Variants in CDH7 observed in about 807,000 individuals in gnomAD.
CDH7 encodes cadherin-7.
CDH7 carries 25 observed loss-of-function variants against 71.8 expected under a neutral mutation model. The ratio of observed to expected loss-of-function variants is 0.35; its 90% CI spans 0.25 to 0.49. The LOEUF (loss-of-function observed/expected upper bound fraction) is 0.49. Among genes scored for constraint, CDH7 ranks in the 20% least tolerant of loss-of-function variants. The pLI, the probability that CDH7 is intolerant of heterozygous loss-of-function variation, is 0.99. For synonymous variants in CDH7, 381 were observed against 363.8 expected (o/e 1.05, Z -0.54); for missense variants, 862 against 974.6 (o/e 0.88, Z 1.54).
intron 6 of CDH7, among the ~76,000 whole-genome samples, chr18:65,834,313 T>C (rs1186482825): frequency 6.6e-6 from 1 of 152,142 alleles, no homozygotes; most frequent in Non-Finnish European, 1.5e-5. Context: ...TAAGAAGTCA[T>C]GAATATAGGT....
intron 2 of CDH7, among the ~76,000 whole-genome samples, chr18:65,809,364 A>G (rs1252612711): frequency 6.6e-6 from 1 of 152,250 alleles, no homozygotes; most frequent in African/African-American, 2.4e-5. Flanking sequence ...CCCATTATAC[A>G]TGTTTACTGA....
At position 65,838,060 on chromosome 18, in the gene CDH7, G is replaced by T. The variant is rs564546135; in HGVS notation, c.982-5752G>T. 2.0e-5 allele frequency among the ~76,000 whole-genome samples: 3 copies of T among 151,966 alleles called. No individual in the cohort carries two copies. The East Asian group carries it at 5.8e-4, about 30-fold the overall frequency. ...CTGCCTCAGCCTCTCCAGTAGCTGG[G>T]ATTACAGGCACGTGCCACCATGGCA... On this transcript the variant is annotated intron_variant, in intron 6 of 11. Coordinates refer to ENST00000397968, the MANE Select transcript of CDH7 (RefSeq NM_004361.5).
chr18:65,788,207 G>A (rs1599006407), intron 2 of CDH7, among the ~76,000 whole-genome samples: 1 of 152,120 alleles, frequency 6.6e-6, no homozygotes, highest in East Asian at 1.9e-4. Flanking sequence ...CAAAGCATGG[G>A]CTAAAATGAA....
At position 65,782,078 on chromosome 18, in the gene CDH7, CT is replaced by C. The variant is rs1910300316; in HGVS notation, c.210+19029del. ...CCTTCCTTCCTTTCTTTCTTTCTTT[CT>C]TTCCTTCCTTCCTTCCTTCCTTCCT... is the stretch of plus-strand genomic sequence containing the variant. On this transcript the variant is annotated intron_variant, in intron 2 of 11. Coordinates refer to ENST00000397968, the MANE Select transcript of CDH7 (RefSeq NM_004361.5). Among the ~76,000 whole-genome samples, 2 of 58,124 alleles carry C rather than the reference CT, an allele frequency of 3.4e-5. 1 individual carries two copies. Among genetic ancestry groups the C allele is most frequent in the Non-Finnish European group, 5.6e-5 (2 of 35,882 alleles). The allele number at this position is 58,124 out of a possible 152,430, so 38.1% of individuals were successfully genotyped here.
chr18:65,840,975 A>C lies in CDH7; in HGVS notation c.982-2837A>C, dbSNP rs866599211. On this transcript the variant is annotated intron_variant, in intron 6 of 11. Transcript: ENST00000397968. ...TACATATCTAGAAATCAACAATGAG[A>C]AGTCATATAAAAAGTAAATTTTACT... Among the ~76,000 whole-genome samples, 9 of 152,256 alleles carry C rather than the reference A, an allele frequency of 5.9e-5. No individual in the cohort carries two copies. In the South Asian group the frequency reaches 1.9e-3, roughly 32 times the overall value.
intron 7 of CDH7, among the ~76,000 whole-genome samples, chr18:65,845,225 A>C (rs1299795569): frequency 6.6e-6 from 1 of 151,784 alleles, no homozygotes; most frequent in Non-Finnish European, 1.5e-5. Context: ...ATATACATAC[A>C]CACATATATA....
At chr18:65,796,108 AT>A (rs1317808157) in intron 2 of CDH7, among the ~76,000 whole-genome samples, 7 of 152,152 alleles carry the variant, frequency 4.6e-5, no homozygotes, top group South Asian at 2.1e-4. Flanking sequence ...GACTAATATA[AT>A]ATCCTTTAAA....
intron 11 of CDH7, among the ~76,000 whole-genome samples, chr18:65,867,035 ATTT>A (rs11381508): frequency 1.5e-5 from 2 of 134,200 alleles, no homozygotes; most frequent in Admixed American, 7.9e-5. Flanking sequence ...GGTATTCTAA[ATTT>A]TTTTTTTTTT....
Position 65,855,332 on chromosome 18 carries a change from G to A in CDH7, c.1236-2484G>A, listed in dbSNP as rs1476834731. On this transcript the variant is annotated intron_variant, in intron 7 of 11. Transcript: ENST00000397968. ...TGAACAGACCTAAATATTGATAAAC[G>A]TCTACCAACATTGACAAAGGAAAAA... is the stretch of plus-strand genomic sequence containing the variant. 4.9e-5 allele frequency among the ~76,000 whole-genome samples: 7 copies of A among 143,588 alleles called. No homozygotes were observed. In the East Asian group the frequency reaches 8.6e-4, roughly 18 times the overall value. 94.2% of individuals were successfully genotyped at this position (143,588 alleles called of 152,430 possible).
At chr18:65,876,225 C>T (rs1305708175) in intron 11 of CDH7, among the ~76,000 whole-genome samples, 1 of 152,054 alleles carries the variant, frequency 6.6e-6, no homozygotes, top group East Asian at 1.9e-4. Context: ...TTCCTACCTG[C>T]TAGAATGCTC....
At chr18:65,761,080 G>T (rs2143783893) in intron 1 of CDH7, among the ~76,000 whole-genome samples, 1 of 152,230 alleles carries the variant, frequency 6.6e-6, no homozygotes, top group South Asian at 2.1e-4. Flanking sequence ...AGGGTATCTG[G>T]ATTTGGGTAG....
chr18:65,789,884 C>T (rs1399881346), intron 2 of CDH7, among the ~76,000 whole-genome samples: 2 of 151,914 alleles, frequency 1.3e-5, no homozygotes, highest in East Asian at 3.9e-4. Context: ...GTTTCTGGCT[C>T]TAGGTACAAT....
rs555889687 is a variant in CDH7 at position 65,762,899 on chromosome 18, G to A, written c.57G>A (p.Leu19=). The stretch of plus-strand genomic sequence containing the variant: ...TTCTGCAGCTAATAGCTCTTTTCCT[G>A]TGTTTTTCTGGGATGAGTCAAGCAG... ...CHFLQLIALF[L]CFSGMSQAEL... is the part of the protein sequence containing the mutation. Residue 19 remains leucine (L), a synonymous_variant, in exon 2 of 12, where the codon CTG becomes CTA. Coordinates refer to ENST00000397968, the MANE Select transcript of CDH7 (RefSeq NM_004361.5). 21 of 1,613,488 alleles carry A rather than the reference G, an allele frequency of 1.3e-5. No homozygotes were observed. The African/African-American group carries it at 2.0e-4, about 15-fold the overall frequency.
chr18:65,781,441 A>G (rs1910182033), intron 2 of CDH7, among the ~76,000 whole-genome samples: 1 of 152,200 alleles, frequency 6.6e-6, no homozygotes, highest in Admixed American at 6.5e-5. Flanking sequence ...TAAATTACAT[A>G]CAAATATATG....
At position 65,857,812 on chromosome 18, in the gene CDH7, T is replaced by C; in HGVS notation, c.1236-4T>C. On this transcript the variant is annotated splice_polypyrimidine_tract_variant and splice_region_variant and intron_variant, in intron 7 of 11. Coordinates refer to ENST00000397968, the MANE Select transcript of CDH7 (RefSeq NM_004361.5). ...GGCTTTTCTTTTCTTCAATGTTCAA[T>C]TAGGTACTCAATTGACAGAAACACA... 6.2e-7 allele frequency: 1 copy of C among 1,611,668 alleles called. No individual in the cohort carries two copies. Among genetic ancestry groups the C allele is most frequent in the Non-Finnish European group, 8.5e-7 (1 of 1,178,860 alleles).
intron 11 of CDH7, among the ~76,000 whole-genome samples, chr18:65,867,035 A>ATTTTT (rs11381508): frequency 7.5e-6 from 1 of 134,202 alleles, no homozygotes; most frequent in Non-Finnish European, 1.6e-5. Flanking sequence ...GGTATTCTAA[A>ATTTTT]TTTTTTTTTT....
At chr18:65,784,113 ATTTTTTT>A (rs72393865) in intron 2 of CDH7, among the ~76,000 whole-genome samples, 2 of 106,812 alleles carry the variant, frequency 1.9e-5, no homozygotes, top group Non-Finnish European at 3.7e-5. Flanking sequence ...ACCCACAGCT[ATTTTTTT>A]TTTTTTTTTT....
At chr18:65,877,491 TAA>T (rs781118573) in intron 11 of CDH7, among the ~76,000 whole-genome samples, 41 of 152,122 alleles carry the variant, frequency 2.7e-4, no homozygotes, top group Non-Finnish European at 4.3e-4. Flanking sequence ...TGATTTAAAT[TAA>T]GAGACCGCCT....
intron 2 of CDH7, among the ~76,000 whole-genome samples, chr18:65,779,381 C>T (rs376509541): frequency 0.049 from 4,183 of 85,384 alleles, no homozygotes; most frequent in African/African-American, 0.094. Flanking sequence ...TATACATGTG[C>T]CATGCTGGTG....
Sources: allele counts gnomAD v4.1 joint callset (sites outside exome capture counted in the v4.1 genomes callset), GRCh38; gene constraint gnomAD v4.1.1; transcripts MANE v1.5; gene names NCBI Gene and HGNC (gene_info 2026-07-23, HGNC 2026-07-21).